The following UBA3 variants were observed in gnomAD, a reference collection of about 807,000 sequenced individuals.
The protein encoded by UBA3 is ubiquitin like modifier activating enzyme 3.
In UBA3, 26 loss-of-function variants were observed where a neutral mutation model predicts 73.5. That is an observed-to-expected ratio of 0.35 (90% CI 0.26 to 0.49). The LOEUF (loss-of-function observed/expected upper bound fraction) is 0.49, where lower values mean the gene tolerates loss of function less well. Among genes scored for constraint, UBA3 ranks in the 20% least tolerant of loss-of-function variants. UBA3 has a pLI of 0.98. For missense variants in UBA3, 495 were observed against 555.6 expected (o/e 0.89, Z 1.10); for synonymous variants, 217 against 191.2 (o/e 1.13, Z -1.11).
At chr3:69,078,244 G>T (rs779036202) in intron 2 of UBA3, among the ~76,000 whole-genome samples, 2 of 151,912 alleles carry the variant, frequency 1.3e-5, no homozygotes. Flanking sequence ...CTCTACATTT[G>T]GTATTTACAA....
chr3:69,059,165 A>G (rs2055684), intron 11 of UBA3, among the ~76,000 whole-genome samples: 1 of 151,940 alleles, frequency 6.6e-6, no homozygotes, highest in Non-Finnish European at 1.5e-5. Context: ...GATATTGAAG[A>G]GTTCTATGAA....
chr3:69,063,464 G>A lies in UBA3; in HGVS notation c.512C>T (p.Ala171Val). 1.3e-6 allele frequency: 2 copies of A among 1,596,910 alleles called. No individual in the cohort carries two copies. Among genetic ancestry groups the A allele is most frequent in the Non-Finnish European group, 1.7e-6 (2 of 1,175,568 alleles). ...IIVCGLDSII[A>V]RRWINGMLIS... ...CAGCATGCCATTTATCCATCTTCTG[G>A]CGATGATAGAGTCCAGTCCACATAC... Residue 171 changes from alanine to valine, a missense_variant, in exon 8 of 18, where the codon GCC becomes GTC. By Grantham distance (64) the Ala-to-Val change is moderately conservative. Coordinates refer to ENST00000361055, the MANE Select transcript of UBA3 (RefSeq NM_003968.4).
chr3:69,057,249 T>A lies in UBA3; in HGVS notation c.964+7A>T, dbSNP rs777827099. On this transcript the variant is annotated splice_region_variant and intron_variant, in intron 12 of 17. Transcript: ENST00000361055. Reference sequence around the variant, plus strand: ...AATAAACTAAGTGATGGCCTTTTCTTCCTCACCTGCAATGACTGCATTTGT... The same window carrying A: ...AATAAACTAAGTGATGGCCTTTTCTACCTCACCTGCAATGACTGCATTTGT... The A allele has an allele frequency of 6.2e-7, 1 of 1,607,918 alleles. No individual in the cohort carries two copies. The highest frequency in any genetic ancestry group is 8.5e-7 in the Non-Finnish European group (1 of 1,178,690).
At chr3:69,067,176 T>C (rs2092079161) in intron 6 of UBA3, among the ~76,000 whole-genome samples, 1 of 152,226 alleles carries the variant, frequency 6.6e-6, no homozygotes, top group South Asian at 2.1e-4. Flanking sequence ...ATCTTTACTA[T>C]ATTTAATCTT....
chr3:69,077,601 A>T, intron 3 of UBA3, 197 bp downstream of exon 3: 1 of 563,140 alleles, frequency 1.8e-6, no homozygotes, highest in Non-Finnish European at 2.8e-6. Flanking sequence ...AACTTATATT[A>T]CATGAGAAAT....
At position 69,055,965 on chromosome 3, in the gene UBA3, T is replaced by C. The variant is rs372967958; in HGVS notation, c.1248+35A>G. 1.1e-4 allele frequency: 172 copies of C among 1,596,918 alleles called. 5 individuals are homozygous for C. The South Asian group carries it at 1.7e-3, about 16-fold the overall frequency. ...TAAAGTAAAATAAAACTTGATATAATTTTCTGAAAAAAATTTAAAATACAC... is the reference window on the plus strand; with the variant it reads ...TAAAGTAAAATAAAACTTGATATAACTTTCTGAAAAAAATTTAAAATACAC... On this transcript the variant is annotated intron_variant, in intron 16 of 17. Transcript: ENST00000361055.
intron 12 of UBA3, 127 bp downstream of exon 12, chr3:69,057,129 T>C: frequency 9.7e-7 from 1 of 1,033,226 alleles, no homozygotes; most frequent in Non-Finnish European, 1.5e-6. Context: ...TAACTGGTTC[T>C]TTTTCGACAG....
In UBA3 at chr3:69,057,139, G is replaced by A. The variant is rs2091980542; in HGVS notation, c.964+117C>T. On this transcript the variant is annotated intron_variant, in intron 12 of 17. Coordinates refer to ENST00000361055, the MANE Select transcript of UBA3 (RefSeq NM_003968.4). ...TCTAATAACTGGTTCTTTTTCGACA[G>A]CTTAGTTACACAACCCATCCAAGAA... 5.5e-6 allele frequency: 6 copies of A among 1,090,738 alleles called. 1 individual carries two copies. Among genetic ancestry groups the A allele is most frequent in the South Asian group, 4.1e-5 (3 of 72,802 alleles). The allele number at this position is 1,090,738 out of a possible 1,614,324, so 67.6% of individuals were successfully genotyped here. A position where few individuals can be genotyped will look rare whatever the true frequency, so the allele number is the denominator to read the frequency against.
At chr3:69,064,039 T>C in intron 7 of UBA3, 29 bp downstream of exon 7, 1 of 1,577,426 alleles carries the variant, frequency 6.3e-7, no homozygotes, top group South Asian at 1.2e-5. Context: ...AAGAATCTAG[T>C]GAGCATTAAT....
intron 4 of UBA3, among the ~76,000 whole-genome samples, chr3:69,072,837 C>G (rs905265784): frequency 6.6e-6 from 1 of 152,224 alleles, no homozygotes; most frequent in Admixed American, 6.5e-5. Context: ...GTAACTCCAT[C>G]TTTCCAGGTG....
chr3:69,058,152 G>T (rs938925581), intron 11 of UBA3, among the ~76,000 whole-genome samples: 7 of 151,966 alleles, frequency 4.6e-5, no homozygotes, highest in Non-Finnish European at 8.8e-5. Context: ...CGATGGTCTC[G>T]ATATCCTGAC....
intron 14 of UBA3, 125 bp from the exon 15 acceptor site, chr3:69,056,408 G>T: frequency 1.1e-6 from 1 of 924,990 alleles, no homozygotes; most frequent in Non-Finnish European, 1.6e-6. Context: ...AAATTTTTAT[G>T]CTTTAAAGCC....
At position 69,056,807 on chromosome 3, in the gene UBA3, C is replaced by T. The variant is rs371912485; in HGVS notation, c.973G>A (p.Ala325Thr). 5.8e-5 allele frequency: 94 copies of T among 1,612,586 alleles called. No individual in the cohort carries two copies. The highest frequency in any genetic ancestry group is 2.6e-4 in the South Asian group (24 of 90,876). Reference protein sequence around the residue: ...STNAVIAAVCATEVFKIATSA... With the variant: ...STNAVIAAVCTTEVFKIATSA... Reference sequence around the variant, plus strand: ...GTGGCTATTTTAAAAACCTCAGTGGCACACACAGCTGAAGGGAGGAGAAAA... The same window carrying T: ...GTGGCTATTTTAAAAACCTCAGTGGTACACACAGCTGAAGGGAGGAGAAAA... The change falls in exon 13 of 18, where the codon GCC (alanine) becomes ACC (threonine). Residue 325 changes from alanine to threonine, a missense_variant. Ala to Thr is a moderately conservative substitution (Grantham distance 58). Transcript: ENST00000361055.
rs200218591 is a variant in UBA3, at chr3:69,055,934, A to T, written c.1249-29T>A. On this transcript the variant is annotated intron_variant, in intron 16 of 17. Transcript: ENST00000361055. Reference sequence around the variant, plus strand: ...GAAAACAAAATTACTTTAATGTAAGACACATTAAAGTAAAATAAAACTTGA... The same window carrying T: ...GAAAACAAAATTACTTTAATGTAAGTCACATTAAAGTAAAATAAAACTTGA... 6,935 of 1,599,520 alleles carry T rather than the reference A, an allele frequency of 4.3e-3. 30 individuals carry two copies. Among genetic ancestry groups the T allele is most frequent in the Non-Finnish European group, 5.5e-3 (6,477 of 1,170,408 alleles).
At chr3:69,059,645 G>A (rs892883337) in intron 11 of UBA3, among the ~76,000 whole-genome samples, 1 of 152,116 alleles carries the variant, frequency 6.6e-6, no homozygotes, top group Non-Finnish European at 1.5e-5. Context: ...GCAGGTCCGT[G>A]TAGGGAGAAT....
At chr3:69,074,584 C>T (rs2092148450) in intron 4 of UBA3, among the ~76,000 whole-genome samples, 1 of 152,162 alleles carries the variant, frequency 6.6e-6, no homozygotes, top group African/African-American at 2.4e-5. Context: ...TTGGGTCCTC[C>T]ATCTGGCTGT....
rs1306600084 is a variant in UBA3, at chr3:69,071,601, C to G, written c.281G>C (p.Arg94Thr). 2 of 1,557,190 alleles carry G rather than the reference C, an allele frequency of 1.3e-6. No homozygotes were observed. Among genetic ancestry groups the G allele is most frequent in the African/African-American group, 2.8e-5 (2 of 70,868 alleles). The change falls in exon 5 of 18, where the codon AGA becomes ACA. Residue 94 changes from arginine to threonine, a missense_variant. Physicochemically the swap from Arg to Thr is moderately conservative, Grantham distance 71. Coordinates refer to ENST00000361055, the MANE Select transcript of UBA3 (RefSeq NM_003968.4). ...GTCCATATCTATAACATGAATCTGT[C>G]TAAAACCAGACAAGGCCTGTGGGAA... Reference protein sequence around the residue: ...LLKNLALSGFRQIHVIDMDTI... With the variant: ...LLKNLALSGFTQIHVIDMDTI...
intron 3 of UBA3, among the ~76,000 whole-genome samples, chr3:69,075,983 A>T (rs569249146): frequency 1.3e-3 from 203 of 152,196 alleles, no homozygotes; most frequent in African/African-American, 4.5e-3. Flanking sequence ...CGCCCGCCTC[A>T]GCCTCCCAAA....
At chr3:69,064,195 T>C in intron 6 of UBA3, 84 bp from the exon 7 acceptor site, 1 of 1,038,682 alleles carries the variant, frequency 9.6e-7, no homozygotes, top group Non-Finnish European at 1.4e-6. Flanking sequence ...ACACTCTGCA[T>C]ATATTTACAA....
Sources: allele counts gnomAD v4.1 joint callset (sites outside exome capture counted in the v4.1 genomes callset), GRCh38; gene constraint gnomAD v4.1.1; transcripts MANE v1.5; gene names NCBI Gene and HGNC (gene_info 2026-07-23, HGNC 2026-07-21).